The following PLXNA2 variants were observed in gnomAD, a reference collection of about 807,000 sequenced individuals.
PLXNA2 encodes the protein plexin-A2.
In PLXNA2, 91 loss-of-function variants were observed where a neutral mutation model predicts 193.5. The ratio of observed to expected loss-of-function variants is 0.47; its 90% CI spans 0.40 to 0.56. PLXNA2 has a LOEUF of 0.56. Among genes scored for constraint, PLXNA2 ranks in the 20% least tolerant of loss-of-function variants. The pLI is 0.00. For synonymous variants in PLXNA2, 997 were observed against 1,027.3 expected (o/e 0.97, Z 0.56); for missense variants, 1,995 against 2,503.2 (o/e 0.80, Z 4.33).
At chr1:208,205,823 C>T (rs896371531) in intron 3 of PLXNA2, among the ~76,000 whole-genome samples, 4 of 152,160 alleles carry the variant, frequency 2.6e-5, no homozygotes, top group Admixed American at 2.0e-4. Flanking sequence ...ATTGCTGTAA[C>T]GCCTACCCAG....
At position 208,160,475 on chromosome 1, in the gene PLXNA2, A is replaced by G. The variant is rs1249741396; in HGVS notation, c.1372-18012T>C. On this transcript the variant is annotated intron_variant, in intron 3 of 31. Coordinates refer to ENST00000367033, the MANE Select transcript of PLXNA2 (RefSeq NM_025179.4). ...GAGGGAGGAACACAGAACTAGGTAG[A>G]ACACGGCAGCCAGATATCTGATACT... 3.9e-5 allele frequency among the ~76,000 whole-genome samples: 6 copies of G among 152,216 alleles called. No individual in the cohort carries two copies. The East Asian group carries it at 1.2e-3, about 29-fold the overall frequency.
At chr1:208,161,415 A>G (rs1436335574) in intron 3 of PLXNA2, among the ~76,000 whole-genome samples, 1 of 152,234 alleles carries the variant, frequency 6.6e-6, no homozygotes, top group African/African-American at 2.4e-5. Flanking sequence ...AGAAAATATG[A>G]AGCTCCCTCC....
chr1:208,242,746 G>C (rs751017572), intron 1 of PLXNA2, among the ~76,000 whole-genome samples: 1 of 152,162 alleles, frequency 6.6e-6, no homozygotes, highest in Admixed American at 6.5e-5. Flanking sequence ...CCAAACAGGT[G>C]GACTTTTTTC....
intron 22 of PLXNA2, among the ~76,000 whole-genome samples, chr1:208,041,041 T>G (rs1338984278): frequency 6.6e-6 from 1 of 151,978 alleles, no homozygotes; most frequent in Non-Finnish European, 1.5e-5. Flanking sequence ...TGGGAGAGAG[T>G]GACAATGGCA....
intron 1 of PLXNA2, among the ~76,000 whole-genome samples, chr1:208,243,058 A>G (rs1287284007): frequency 6.6e-6 from 1 of 152,158 alleles, no homozygotes; most frequent in East Asian, 1.9e-4. Flanking sequence ...TGAAACACTT[A>G]GACCCATTCA....
chr1:208,153,250 A>G (rs1361771842), intron 3 of PLXNA2, among the ~76,000 whole-genome samples: 2 of 152,108 alleles, frequency 1.3e-5, no homozygotes, highest in Non-Finnish European at 2.9e-5. Flanking sequence ...TTTAATCCTC[A>G]CAACAACCTA....
chr1:208,045,275 TAAAAAG>T, intron 18 of PLXNA2, 65 bp from the exon 19 acceptor site: 1 of 1,527,272 alleles, frequency 6.5e-7, no homozygotes, highest in Non-Finnish European at 9.0e-7. Context: ...ATTGCCTACT[TAAAAAG>T]AGATTAAGGA....
At chr1:208,235,408 G>A (rs1671820695) in intron 1 of PLXNA2, among the ~76,000 whole-genome samples, 1 of 152,204 alleles carries the variant, frequency 6.6e-6, no homozygotes, top group Non-Finnish European at 1.5e-5. Context: ...CTTGTTTCCA[G>A]CACTTGTCGT....
At chr1:208,104,475 G>A in intron 4 of PLXNA2, among the ~76,000 whole-genome samples, 1 of 152,294 alleles carries the variant, frequency 6.6e-6, no homozygotes, top group Middle Eastern at 3.4e-3. Context: ...CTGAGTTTTT[G>A]TTGTGTGGGA....
chr1:208,091,868 C>CAA (rs10655053), intron 9 of PLXNA2, among the ~76,000 whole-genome samples: 28,629 of 130,726 alleles, frequency 0.22, 3,617 homozygotes, highest in African/African-American at 0.37. Flanking sequence ...GACTTCATAT[C>CAA]AAAAAAAAAA....
rs929543374 is a variant in PLXNA2 at position 208,026,952 on chromosome 1, C to G, written c.*291G>C. ...TCATGCAAAGCAGCAGTCACAGAGG[C>G]AGAACTGTCCCCAGCTCGTGCCTCT... On this transcript the variant is annotated 3_prime_UTR_variant, in exon 32 of 32. Coordinates refer to ENST00000367033, the MANE Select transcript of PLXNA2 (RefSeq NM_025179.4). 6.5e-6 allele frequency: 2 copies of G among 306,572 alleles called. No individual in the cohort carries two copies. The highest frequency in any genetic ancestry group is 6.1e-6 in the Non-Finnish European group (1 of 163,764). The allele number at this position is 306,572 out of a possible 1,614,324, so 19.0% of individuals were successfully genotyped here. A position where few individuals can be genotyped will look rare whatever the true frequency, so the allele number is the denominator to read the frequency against.
intron 28 of PLXNA2, 151 bp downstream of exon 28, chr1:208,033,168 T>G: frequency 2.9e-6 from 2 of 691,376 alleles, no homozygotes; most frequent in Non-Finnish European, 4.8e-6. Flanking sequence ...AGTGCTGGGA[T>G]TATGGGCATG....
chr1:208,035,583 C>G (rs534478705), intron 26 of PLXNA2, among the ~76,000 whole-genome samples: 82 of 152,288 alleles, frequency 5.4e-4, no homozygotes, highest in African/African-American at 1.9e-3. Context: ...TGCCCTCCAT[C>G]CAGTAAAAAC....
intron 12 of PLXNA2, among the ~76,000 whole-genome samples, chr1:208,061,703 T>C (rs1413847597): frequency 6.6e-6 from 1 of 152,216 alleles, no homozygotes; most frequent in Non-Finnish European, 1.5e-5. Flanking sequence ...AATAGCAGAA[T>C]CCAGGTCTCT....
intron 1 of PLXNA2, among the ~76,000 whole-genome samples, chr1:208,221,629 G>A (rs1671341249): frequency 6.6e-6 from 1 of 152,170 alleles, no homozygotes; most frequent in South Asian, 2.1e-4. Flanking sequence ...CCTTGGGAGT[G>A]TGGCCTTCAT....
At chr1:208,168,312 C>T (rs1011484774) in intron 3 of PLXNA2, among the ~76,000 whole-genome samples, 1 of 152,200 alleles carries the variant, frequency 6.6e-6, no homozygotes, top group African/African-American at 2.4e-5. Context: ...GAGGATGTAG[C>T]AATACCTTCC....
At chr1:208,091,221 C>G (rs545017070) in intron 9 of PLXNA2, among the ~76,000 whole-genome samples, 5 of 152,202 alleles carry the variant, frequency 3.3e-5, no homozygotes, top group African/African-American at 4.8e-5. Flanking sequence ...CCTTTCAAGA[C>G]AGGCAAATTC....
intron 1 of PLXNA2, among the ~76,000 whole-genome samples, chr1:208,220,190 C>G (rs1671278745): frequency 1.3e-5 from 2 of 152,118 alleles, no homozygotes; most frequent in South Asian, 2.1e-4. Context: ...CACCTCACCT[C>G]CCTGCTTGGT....
intron 1 of PLXNA2, among the ~76,000 whole-genome samples, chr1:208,218,798 C>T (rs781656114): frequency 3.9e-5 from 6 of 152,228 alleles, no homozygotes; most frequent in South Asian, 4.1e-4. Context: ...TCAAGGTGGA[C>T]GCCCAGCTGC....
Sources: gnomAD v4.1 joint callset for allele counts (sites outside exome capture counted in the v4.1 genomes callset) on GRCh38, gnomAD v4.1.1 for gene constraint, MANE v1.5 for transcripts, NCBI Gene and HGNC (gene_info 2026-07-23, HGNC 2026-07-21) for gene names.